RBFOX1: variants seen among roughly 807,000 people sequenced by gnomAD.
The protein encoded by RBFOX1 is RNA binding fox-1 homolog 1, also known as RNA binding protein fox-1 homolog 1.
Under a neutral mutation model 57.7 loss-of-function variants are expected in RBFOX1, and 8 were observed. That is an observed-to-expected ratio of 0.14 (90% CI 0.08 to 0.25). The LOEUF is 0.25. RBFOX1 is among the 10% of genes least tolerant of loss of function. The pLI is 1.00. For synonymous variants in RBFOX1, 326 were observed against 222.4 expected, an observed-to-expected ratio of 1.47 and a Z score of -4.15; for missense variants, 611 against 548.5, an observed-to-expected ratio of 1.11 and a Z score of -1.14.
At chr16:6,378,882 G>A (rs1596346853) in intron 2 of RBFOX1, among the ~76,000 whole-genome samples, 1 of 152,302 alleles carries the variant, frequency 6.6e-6, no homozygotes, top group East Asian at 1.9e-4. Flanking sequence ...ATGGTGAGAG[G>A]TGGGCGGAAA....
At chr16:5,846,656 A>G (rs994857560) in intron 3 of RBFOX1, among the ~76,000 whole-genome samples, 3 of 152,182 alleles carry the variant, frequency 2.0e-5, no homozygotes, top group Non-Finnish European at 4.4e-5. Context: ...CACCACACTC[A>G]GCTGTCTTCA....
At chr16:6,754,912 T>A (rs1218721272) in intron 3 of RBFOX1, among the ~76,000 whole-genome samples, 1 of 151,852 alleles carries the variant, frequency 6.6e-6, no homozygotes, top group Non-Finnish European at 1.5e-5. Context: ...TGTCCATGTG[T>A]TCTCATTGTT....
At chr16:6,787,602 G>T (rs952372084) in intron 3 of RBFOX1, among the ~76,000 whole-genome samples, 5 of 152,070 alleles carry the variant, frequency 3.3e-5, no homozygotes, top group African/African-American at 1.2e-4. Context: ...CACAGTCTCT[G>T]TTCTCCATCC....
chr16:6,684,521 C>T (rs1488800729), intron 3 of RBFOX1, among the ~76,000 whole-genome samples: 3 of 152,162 alleles, frequency 2.0e-5, no homozygotes, highest in East Asian at 3.9e-4. Context: ...TTAGAAATTG[C>T]TGCAGTGGAA....
chr16:6,880,094 A>C (rs185461082), intron 3 of RBFOX1, among the ~76,000 whole-genome samples: 204 of 152,256 alleles, frequency 1.3e-3, no homozygotes, highest in Non-Finnish European at 2.1e-3. Flanking sequence ...GATGTTCCTG[A>C]GAGTCCCCTG....
At chr16:5,565,262 T>TGTGTGTGC (rs1382397453) in intron 2 of RBFOX1, among the ~76,000 whole-genome samples, 4 of 150,966 alleles carry the variant, frequency 2.6e-5, no homozygotes, top group African/African-American at 9.9e-5. Context: ...AACTGGTGTG[T>TGTGTGTGC]GTGTGTGCGT....
intron 3 of RBFOX1, among the ~76,000 whole-genome samples, chr16:6,839,513 A>C (rs972027195): frequency 7.2e-5 from 11 of 152,228 alleles, no homozygotes; most frequent in African/African-American, 2.4e-4. Flanking sequence ...AGAAAGGCCA[A>C]GTGAAATTTT....
chr16:6,396,865 G>T (rs2092857657), intron 2 of RBFOX1, among the ~76,000 whole-genome samples: 2 of 151,972 alleles, frequency 1.3e-5, no homozygotes, highest in South Asian at 4.1e-4. Context: ...AGTAATTAAA[G>T]AAATAACTAG....
intron 2 of RBFOX1, among the ~76,000 whole-genome samples, chr16:6,397,363 A>G (rs1003181014): frequency 6.6e-6 from 1 of 152,342 alleles, no homozygotes; most frequent in East Asian, 1.9e-4. Context: ...CATCAGAAAC[A>G]GTGGAAGCAA....
At chr16:6,478,406 TATATATATATATATATATA>T (rs1212848604) in intron 2 of RBFOX1, among the ~76,000 whole-genome samples, 46 of 18,862 alleles carry the variant, frequency 2.4e-3, no homozygotes, top group South Asian at 8.1e-3. Flanking sequence ...TATATATATA[TATATATATATATATATATA>T]TATATTTTTT....
chr16:6,214,699 G>T (rs1193876104), intron 1 of RBFOX1, among the ~76,000 whole-genome samples: 1 of 130,462 alleles, frequency 7.7e-6, no homozygotes, highest in Non-Finnish European at 1.6e-5. Context: ...GAAGGAAAGG[G>T]GGAGAGGGAA....
intron 1 of RBFOX1, among the ~76,000 whole-genome samples, chr16:6,131,770 C>A (rs774793957): frequency 1.3e-5 from 2 of 152,162 alleles, no homozygotes; most frequent in Non-Finnish European, 2.9e-5. Context: ...TCCTTCTCAT[C>A]ATAGTTATGT....
intron 5 of RBFOX1, among the ~76,000 whole-genome samples, chr16:7,566,949 G>A (rs1038633340): frequency 7.9e-5 from 12 of 151,674 alleles, no homozygotes; most frequent in African/African-American, 2.2e-4. Flanking sequence ...CAAAGAAATC[G>A]ATTAAGAAAC....
Position 6,307,987 on chromosome 16 carries a change from G to A in RBFOX1, c.-126-9008G>A, listed in dbSNP as rs557891714. On this transcript the variant is annotated intron_variant, in intron 1 of 15. Transcript: ENST00000550418. ...ATAAACTGTAATCATTTATATATTCGCTTAGGTTGTTATTTACATATTTTT... is the reference window on the plus strand; with the variant it reads ...ATAAACTGTAATCATTTATATATTCACTTAGGTTGTTATTTACATATTTTT... Among the ~76,000 whole-genome samples the A allele has an allele frequency of 1.1e-4, 16 of 147,818 alleles. 1 individual carries two copies. Among genetic ancestry groups the A allele is most frequent in the South Asian group, 8.8e-4 (4 of 4,528 alleles).
At chr16:7,653,469 GCACTCC>G (rs2065551499) in intron 11 of RBFOX1, among the ~76,000 whole-genome samples, 1 of 152,150 alleles carries the variant, frequency 6.6e-6, no homozygotes, top group Non-Finnish European at 1.5e-5. Context: ...TTGCACCACT[GCACTCC>G]AGCCTGGGTG....
chr16:6,100,533 G>A (rs1006924364), intron 1 of RBFOX1, among the ~76,000 whole-genome samples: 1 of 152,134 alleles, frequency 6.6e-6, no homozygotes, highest in Non-Finnish European at 1.5e-5. Context: ...CACAAACCTT[G>A]CACTTAATAG....
At chr16:6,985,842 A>AAAAAAAAG in intron 3 of RBFOX1, among the ~76,000 whole-genome samples, 1 of 122,644 alleles carries the variant, frequency 8.2e-6, no homozygotes, top group Admixed American at 8.2e-5. Flanking sequence ...TAAAAAAAAA[A>AAAAAAAAG]AAAAACAGAA....
chr16:7,528,369 T>A (rs994422008), intron 5 of RBFOX1, among the ~76,000 whole-genome samples: 2 of 152,218 alleles, frequency 1.3e-5, no homozygotes, highest in Non-Finnish European at 2.9e-5. Flanking sequence ...AACACCCAAA[T>A]CCATCCTTTC....
intron 4 of RBFOX1, among the ~76,000 whole-genome samples, chr16:7,358,865 T>G (rs190904320): frequency 6.6e-6 from 1 of 152,334 alleles, no homozygotes; most frequent in Non-Finnish European, 1.5e-5. Context: ...GAGAAGTAAC[T>G]TTCTAAGGAC....
Sources: allele counts gnomAD v4.1 joint callset (sites outside exome capture counted in the v4.1 genomes callset), GRCh38; gene constraint gnomAD v4.1.1; transcripts MANE v1.5; gene names NCBI Gene and HGNC (gene_info 2026-07-23, HGNC 2026-07-21).